ETNK1: variants seen among roughly 807,000 people sequenced by gnomAD.
The protein encoded by ETNK1 is ethanolamine kinase 1.
In ETNK1, 8 loss-of-function variants were observed where a neutral mutation model predicts 45.1. That is an observed-to-expected ratio of 0.18 (90% confidence interval 0.10 to 0.32). The LOEUF (loss-of-function observed/expected upper bound fraction) is 0.32, where lower values mean the gene tolerates loss of function less well. ETNK1 is among the 10% of genes least tolerant of loss of function. The probability of loss-of-function intolerance (pLI) is 1.00; values close to 1 mark genes in which losing one functional copy is unlikely to be tolerated. For missense variants in ETNK1, 302 were observed against 430.6 expected, an observed-to-expected ratio of 0.70 and a Z score of 2.64; for synonymous variants, 152 against 151.9, an observed-to-expected ratio of 1.00 and a Z score of -0.01.
At chr12:22,629,718 T>C (rs1009532177) in intron 1 of ETNK1, among the ~76,000 whole-genome samples, 19 of 152,176 alleles carry the variant, frequency 1.2e-4, no homozygotes, top group African/African-American at 4.6e-4. Context: ...GCTAATGTAG[T>C]AAGTTACGGC....
intron 3 of ETNK1, among the ~76,000 whole-genome samples, chr12:22,660,500 C>T (rs1228073767): frequency 1.3e-5 from 2 of 152,136 alleles, no homozygotes; most frequent in Non-Finnish European, 2.9e-5. Context: ...TACTCTGTGG[C>T]AATTTCTATA....
intron 6 of ETNK1, among the ~76,000 whole-genome samples, chr12:22,684,236 G>T (rs1299601921): frequency 6.6e-6 from 1 of 152,022 alleles, no homozygotes; most frequent in Non-Finnish European, 1.5e-5. Flanking sequence ...CACATCACAG[G>T]AACTGGCCTC....
chr12:22,668,528 A>T (rs533955730), intron 4 of ETNK1, among the ~76,000 whole-genome samples: 38 of 151,888 alleles, frequency 2.5e-4, no homozygotes, highest in African/African-American at 5.5e-4. Context: ...TTTTTTTTTT[A>T]AATTTTTTTC....
Position 22,625,487 on chromosome 12 carries a change from C to T in ETNK1, c.57C>T (p.Val19=), listed in dbSNP as rs760680188. ...PGSPEVPKLN[V]TVQDQEEHRC... ...CCCCGGAGGTGCCCAAGCTGAACGT[C>T]ACCGTTCAGGATCAGGAGGAGCATC... The change falls in exon 1 of 8, where the codon GTC becomes GTT. Residue 19 remains valine (V), a synonymous_variant. Coordinates refer to ENST00000266517, the MANE Select transcript of ETNK1 (RefSeq NM_018638.5). The T allele has an allele frequency of 2.5e-6, 4 of 1,605,720 alleles. No individual in the cohort carries two copies. The South Asian group carries it at 4.5e-5, about 18-fold the overall frequency.
chr12:22,649,202 A>T (rs1953843948), intron 2 of ETNK1, among the ~76,000 whole-genome samples: 1 of 152,042 alleles, frequency 6.6e-6, no homozygotes, highest in Non-Finnish European at 1.5e-5. Flanking sequence ...TTTGCAGAGT[A>T]GAAAGTTTTA....
rs766973112 is a variant in ETNK1, at chr12:22,625,382, G to GGTCGCC, written c.-38_-33dup. 2.4e-5 allele frequency: 38 copies of GGTCGCC among 1,563,286 alleles called. No homozygotes were observed. In the East Asian group the frequency reaches 2.8e-4, roughly 12 times the overall value. ...GTCTGTCGGCGCCCGCCGTTCTCGTGGTCGCCGTCGCCGTCGTCGTGGTGG... is the reference window on the plus strand; with the variant it reads ...GTCTGTCGGCGCCCGCCGTTCTCGTGGTCGCCGTCGCCGTCGCCGTCGTCGTGGTGG... On this transcript the variant is annotated 5_prime_UTR_variant, in exon 1 of 8. Transcript: ENST00000266517.
chr12:22,625,990 T>TA (rs756349213), intron 1 of ETNK1: 30 of 418,914 alleles, frequency 7.2e-5, no homozygotes, highest in Admixed American at 1.7e-4. Flanking sequence ...TCCTCTCTGA[T>TA]CTTTCCTTCC....
At position 22,659,517 on chromosome 12, in the gene ETNK1, G is replaced by C. The variant is rs142098894; in HGVS notation, c.557+363G>C. Among the ~76,000 whole-genome samples, 15 of 152,286 alleles carry C rather than the reference G, an allele frequency of 9.8e-5. No individual in the cohort carries two copies. The East Asian group carries it at 2.5e-3, about 25-fold the overall frequency. On this transcript the variant is annotated intron_variant, in intron 3 of 7. Transcript: ENST00000266517. The stretch of plus-strand genomic sequence containing the variant: ...TATTATATAGAATAAGAGCACAAGA[G>C]CCTGGAGCCAAACTGAGATTAAATC...
chr12:22,680,640 T>C (rs1954205121), intron 6 of ETNK1, among the ~76,000 whole-genome samples: 1 of 152,196 alleles, frequency 6.6e-6, no homozygotes, highest in African/African-American at 2.4e-5. Context: ...TGTTTCCTCC[T>C]TAGATAGTTT....
At chr12:22,679,708 T>TG (rs1213492753) in intron 6 of ETNK1, among the ~76,000 whole-genome samples, 1 of 151,016 alleles carries the variant, frequency 6.6e-6, no homozygotes, top group Non-Finnish European at 1.5e-5. Flanking sequence ...TTTTGTTTTT[T>TG]TTTTTTTTTT....
intron 2 of ETNK1, among the ~76,000 whole-genome samples, chr12:22,657,926 G>A (rs1337741280): frequency 3.9e-5 from 6 of 152,126 alleles, no homozygotes; most frequent in Non-Finnish European, 7.4e-5. Flanking sequence ...ATAAAAATGT[G>A]TTATTTAATG....
At chr12:22,627,761 GT>G (rs980196870) in intron 1 of ETNK1, among the ~76,000 whole-genome samples, 5 of 151,568 alleles carry the variant, frequency 3.3e-5, no homozygotes, top group East Asian at 1.9e-4. Flanking sequence ...TTTTTTCTCA[GT>G]TTTTTTCTAA....
intron 6 of ETNK1, among the ~76,000 whole-genome samples, chr12:22,680,020 C>T (rs1954200059): frequency 7.0e-6 from 1 of 141,996 alleles, no homozygotes; most frequent in South Asian, 2.2e-4. Context: ...GGAATACATA[C>T]ATCATTTTAA....
At chr12:22,645,357 T>G (rs918288472) in intron 2 of ETNK1, among the ~76,000 whole-genome samples, 1 of 151,850 alleles carries the variant, frequency 6.6e-6, no homozygotes, top group African/African-American at 2.4e-5. Flanking sequence ...ATTGATCTAT[T>G]TCAGTAACCT....
intron 1 of ETNK1, among the ~76,000 whole-genome samples, chr12:22,629,257 A>T (rs939419021): frequency 1.3e-5 from 2 of 152,184 alleles, no homozygotes; most frequent in Non-Finnish European, 2.9e-5. Context: ...TGGAATGAAC[A>T]TTCAAATTTA....
At chr12:22,640,154 G>A (rs553616277) in intron 1 of ETNK1, among the ~76,000 whole-genome samples, 1 of 152,242 alleles carries the variant, frequency 6.6e-6, no homozygotes, top group South Asian at 2.1e-4. Context: ...TAAAAATTAT[G>A]TGATGAGGTA....
chr12:22,673,763 T>C, intron 6 of ETNK1, 103 bp downstream of exon 6: 1 of 1,177,176 alleles, frequency 8.5e-7, no homozygotes, highest in Non-Finnish European at 1.2e-6. Flanking sequence ...GTTTTGTGAA[T>C]TTTTGTTCAA....
In ETNK1 at chr12:22,644,197, C is replaced by A. The variant is rs373817964; in HGVS notation, c.416+175C>A. ...TCCCTAAAAAGATAGAAGTAAATTT[C>A]TTTATATTTGCAGTTTATCATCGTT... On this transcript the variant is annotated intron_variant, in intron 2 of 7. Coordinates refer to ENST00000266517, the MANE Select transcript of ETNK1 (RefSeq NM_018638.5). 44 of 1,576,414 alleles carry A rather than the reference C, an allele frequency of 2.8e-5. No homozygotes were observed. In the African/African-American group the frequency reaches 4.9e-4, roughly 18 times the overall value.
intron 2 of ETNK1, among the ~76,000 whole-genome samples, chr12:22,653,654 T>C (rs1194542682): frequency 1.3e-5 from 2 of 152,196 alleles, no homozygotes; most frequent in Non-Finnish European, 2.9e-5. Context: ...TTCTAGATTG[T>C]TCATTGTTAG....
Sources: gnomAD v4.1 joint callset for allele counts (sites outside exome capture counted in the v4.1 genomes callset) on GRCh38, gnomAD v4.1.1 for gene constraint, MANE v1.5 for transcripts, NCBI Gene and HGNC (gene_info 2026-07-23, HGNC 2026-07-21) for gene names.